FAM228B: variants seen among roughly 807,000 people sequenced by gnomAD.
FAM228B encodes protein FAM228B.
FAM228B carries 38 observed loss-of-function variants against 42.6 expected under a neutral mutation model. That is an observed-to-expected ratio of 0.89 (90% CI 0.69 to 1.17). The LOEUF (loss-of-function observed/expected upper bound fraction) is 1.17. Ranked by LOEUF, FAM228B falls within the 50% of genes most tolerant of loss-of-function variation. The pLI is 0.00. For synonymous variants in FAM228B, 109 were observed against 122.3 expected, an observed-to-expected ratio of 0.89 and a Z score of 0.72; for missense variants, 344 against 367.3, an observed-to-expected ratio of 0.94 and a Z score of 0.52.
intron 2 of FAM228B, among the ~76,000 whole-genome samples, chr2:24,090,984 T>C (rs1399857282): frequency 2.0e-5 from 3 of 152,198 alleles, no homozygotes; most frequent in Non-Finnish European, 4.4e-5. Flanking sequence ...GTTTGTTTTG[T>C]AGATACGAGG....
intron 7 of FAM228B, among the ~76,000 whole-genome samples, chr2:24,160,778 A>G (rs1301332201): frequency 6.6e-6 from 1 of 152,188 alleles, no homozygotes; most frequent in Non-Finnish European, 1.5e-5. Flanking sequence ...CAACCCTTGC[A>G]TGGGTGCAAG....
chr2:24,089,178 A>C (rs1665330485), intron 2 of FAM228B, among the ~76,000 whole-genome samples: 1 of 152,094 alleles, frequency 6.6e-6, no homozygotes, highest in Non-Finnish European at 1.5e-5. Context: ...ATGAAACCCC[A>C]TCTCTACTAA....
chr2:24,110,117 T>C (rs986667689), intron 3 of FAM228B, among the ~76,000 whole-genome samples: 1 of 152,198 alleles, frequency 6.6e-6, no homozygotes, highest in Admixed American at 6.5e-5. Context: ...AAGAATGAGA[T>C]CATGTCCTTT....
chr2:24,115,838 T>C (rs1353350771), intron 3 of FAM228B, among the ~76,000 whole-genome samples: 1 of 150,916 alleles, frequency 6.6e-6, no homozygotes, highest in Non-Finnish European at 1.5e-5. Flanking sequence ...ACATCAATTC[T>C]ATTTCATGGT....
intron 2 of FAM228B, among the ~76,000 whole-genome samples, chr2:24,083,874 TG>T (rs1158823927): frequency 6.6e-6 from 1 of 152,144 alleles, no homozygotes; most frequent in Non-Finnish European, 1.5e-5. Context: ...TTTCCTTATC[TG>T]TAGAATTAAG....
intron 2 of FAM228B, among the ~76,000 whole-genome samples, chr2:24,086,072 A>G (rs1223136479): frequency 2.0e-5 from 3 of 151,832 alleles, no homozygotes; most frequent in African/African-American, 2.4e-5. Context: ...CGTCTCTACT[A>G]AAAATACAAA....
rs928691303 is a variant in FAM228B, at chr2:24,084,164, C to A, written c.-210+3209C>A. On this transcript the variant is annotated intron_variant, in intron 2 of 10. Transcript: ENST00000613899. This position sits in a 1 kb window ranked among gnomAD's most constrained non-coding sequence, Gnocchi z 8.4. ...AGGGAGGCTCTGGAGTCCCGCCCGC[C>A]CCGGCGCGGCTGAGCCCTGGGTACC... is the stretch of plus-strand genomic sequence containing the variant. 6.3e-7 allele frequency: 1 copy of A among 1,596,480 alleles called. No individual in the cohort carries two copies. Among genetic ancestry groups the A allele is most frequent in the Admixed American group, 1.7e-5 (1 of 58,638 alleles).
In FAM228B at chr2:24,084,757, C is replaced by A. The variant is rs778149988; in HGVS notation, c.-210+3802C>A. On this transcript the variant is annotated intron_variant, in intron 2 of 10. Coordinates refer to the FAM228B transcript ENST00000613899. The surrounding 1 kb of genome is among the most constrained non-coding windows in gnomAD (Gnocchi z 8.4). ...CCTGGCCCGGCTCCCCTCCCATGCA[C>A]CAGGCGGCGCCGAGTGGTTCTGGCT... 5 of 157,018 alleles carry A rather than the reference C, an allele frequency of 3.2e-5. No individual in the cohort carries two copies. The highest frequency in any genetic ancestry group is 1.2e-4 in the African/African-American group (5 of 41,574). 9.7% of individuals were successfully genotyped at this position (157,018 alleles called of 1,614,324 possible).
Position 24,146,774 on chromosome 2 carries a change from T to A in FAM228B, c.468T>A (p.Pro156=). The change falls in exon 6 of 11, where the codon CCT becomes CCA. Residue 156 remains proline, a synonymous_variant. Transcript: ENST00000615575. Reference sequence around the variant, plus strand: ...TTACCATCCCACCATTTCATGACCCTTTGAAAAAAGCACAATATGACAAGG... The same window carrying A: ...TTACCATCCCACCATTTCATGACCCATTGAAAAAAGCACAATATGACAAGG... ...LKVTIPPFHD[P]LKKAQYDKDN... 10 of 1,549,996 alleles carry A rather than the reference T, an allele frequency of 6.5e-6. No individual in the cohort carries two copies. Among genetic ancestry groups the A allele is most frequent in the Non-Finnish European group, 8.7e-6 (10 of 1,145,926 alleles).
At position 24,084,375 on chromosome 2, in the gene FAM228B, G is replaced by A. The variant is rs1023958719; in HGVS notation, c.-210+3420G>A. The A allele has an allele frequency of 1.1e-4, 153 of 1,385,642 alleles. No homozygotes were observed. The highest frequency in any genetic ancestry group is 9.6e-4 in the South Asian group (78 of 81,194). 85.8% of individuals were successfully genotyped at this position (1,385,642 alleles called of 1,614,324 possible). ...GCAGGGCAGGACAGGACAGGGCAGG[G>A]CAGGGCAGGACAGGACAGGGCAGGG... On this transcript the variant is annotated intron_variant, in intron 2 of 10. Transcript: ENST00000613899. The surrounding 1 kb of genome is among the most constrained non-coding windows in gnomAD (Gnocchi z 8.4).
At chr2:24,130,464 C>T (rs577451575) in intron 2 of FAM228B, among the ~76,000 whole-genome samples, 2 of 152,334 alleles carry the variant, frequency 1.3e-5, no homozygotes, top group South Asian at 2.1e-4. Context: ...CACAGCCTCA[C>T]AAGCATGTAT....
chr2:24,124,503 G>A, intron 2 of FAM228B, 43 bp downstream of exon 2: 1 of 1,269,264 alleles, frequency 7.9e-7, no homozygotes, highest in Non-Finnish European at 1.1e-6. Context: ...TTTTTACTTG[G>A]ATCGTTGCAG....
chr2:24,165,424 G>C, intron 9 of FAM228B: 1 of 471,172 alleles, frequency 2.1e-6, no homozygotes, highest in Admixed American at 2.3e-5. Context: ...ACCAGCCCCT[G>C]TCTGCTCTGA....
intron 3 of FAM228B, among the ~76,000 whole-genome samples, chr2:24,113,557 G>T (rs181997511): frequency 6.1e-4 from 92 of 151,996 alleles, no homozygotes; most frequent in Non-Finnish European, 5.9e-5. Flanking sequence ...GTTATGGAGT[G>T]AGACCCTGTT....
intron 3 of FAM228B, among the ~76,000 whole-genome samples, chr2:24,116,369 C>T (rs1479756808): frequency 4.6e-5 from 7 of 152,026 alleles, no homozygotes; most frequent in African/African-American, 1.4e-4. Flanking sequence ...GATGTACTCA[C>T]GTTTTAAAGA....
At chr2:24,085,485 T>A (rs908949562) in intron 2 of FAM228B, among the ~76,000 whole-genome samples, 3 of 152,142 alleles carry the variant, frequency 2.0e-5, no homozygotes, top group African/African-American at 7.2e-5. Context: ...TCCGTAGCAC[T>A]CCTTGTAAAT....
intron 7 of FAM228B, among the ~76,000 whole-genome samples, chr2:24,160,236 C>T (rs559239825): frequency 6.6e-6 from 1 of 152,118 alleles, no homozygotes; most frequent in African/African-American, 2.4e-5. Context: ...GCAGTTTACC[C>T]ACCTCAGACT....
At chr2:24,087,901 T>C (rs1342705558) in intron 2 of FAM228B, among the ~76,000 whole-genome samples, 2 of 151,996 alleles carry the variant, frequency 1.3e-5, no homozygotes, top group Admixed American at 6.6e-5. Context: ...GCTAATTTTT[T>C]GTATTTTAGT....
At chr2:24,120,082 AACATGGTGAAACCCC>A (rs1351933006), upstream of FAM228B, among the ~76,000 whole-genome samples, 1 of 152,182 alleles carries the variant, frequency 6.6e-6, no homozygotes, top group Non-Finnish European at 1.5e-5. Flanking sequence ...CAGCCTGGCC[AACATGGTGAAACCCC>A]ATCTCTACTA....
Sources: allele counts gnomAD v4.1 joint callset (sites outside exome capture counted in the v4.1 genomes callset), GRCh38; gene constraint gnomAD v4.1.1; non-coding constraint Gnocchi (gnomAD v3.1); transcripts MANE v1.5; gene names NCBI Gene and HGNC (gene_info 2026-07-23, HGNC 2026-07-21).